BICRA: variants seen among roughly 807,000 people sequenced by gnomAD.
The protein encoded by BICRA is BRD4 interacting chromatin remodeling complex associated protein.
BICRA carries 31 observed loss-of-function variants against 96.9 expected under a neutral mutation model. The observed-to-expected ratio is 0.32, with a 90% CI of 0.24 to 0.43. The LOEUF (loss-of-function observed/expected upper bound fraction) is 0.43, where lower values mean the gene tolerates loss of function less well. Ranked by LOEUF, BICRA falls within the 20% of genes least tolerant of loss-of-function variation. The probability of loss-of-function intolerance (pLI) is 1.00; values close to 1 mark genes in which losing one functional copy is unlikely to be tolerated. For synonymous variants in BICRA, 1,350 were observed against 1,071.8 expected (o/e 1.26, Z -5.07); for missense variants, 2,283 against 2,190.3 (o/e 1.04, Z -0.84).
chr19:47,663,252 G>T (rs1455643598), intron 1 of BICRA: 1 of 152,228 alleles, frequency 6.6e-6, no homozygotes, highest in Non-Finnish European at 1.5e-5. Flanking sequence ...GCCGGGTGTG[G>T]TGGCACGTGC....
intron 7 of BICRA, among the ~76,000 whole-genome samples, chr19:47,693,613 C>G (rs1973274457): frequency 6.6e-6 from 1 of 152,236 alleles, no homozygotes; most frequent in South Asian, 2.1e-4. Context: ...GCTGGTGTCT[C>G]TTTGCCTTGA....
Position 47,681,248 on chromosome 19 carries a change from A to C in BICRA, c.2078A>C (p.Gln693Pro). The C allele has an allele frequency of 1.9e-6, 3 of 1,538,934 alleles. No homozygotes were observed. Among genetic ancestry groups the C allele is most frequent in the Non-Finnish European group, 2.6e-6 (3 of 1,148,196 alleles). ...GCCACCCCCACGGCCATCCTCACTCAGGACTCCCTGCAGATGTTCCTGCCC... is the reference window on the plus strand; with the variant it reads ...GCCACCCCCACGGCCATCCTCACTCCGGACTCCCTGCAGATGTTCCTGCCC... ...PSATPTAILT[Q>P]DSLQMFLPQE... The change falls in exon 6 of 15, where the codon CAG becomes CCG. Residue 693 changes from glutamine to proline, a missense_variant. Transcript: ENST00000594866.
At chr19:47,673,823 G>T in intron 4 of BICRA, 61 bp downstream of exon 4, 10 of 1,389,086 alleles carry the variant, frequency 7.2e-6, no homozygotes, top group Non-Finnish European at 1.0e-5. Context: ...TGGGAGTGAG[G>T]GACAGGGAGA....
chr19:47,616,156 G>A (rs967725408), intron 1 of BICRA: 1 of 152,396 alleles, frequency 6.6e-6, no homozygotes, highest in African/African-American at 2.4e-5. Context: ...GTGGGCATGA[G>A]AGGAAACCCA....
chr19:47,636,289 C>G (rs1384931142), intron 1 of BICRA, among the ~76,000 whole-genome samples: 2 of 152,182 alleles, frequency 1.3e-5, no homozygotes, highest in Non-Finnish European at 2.9e-5. Context: ...TCACTGCATC[C>G]TTGACCTCCT....
At chr19:47,629,820 G>T (rs939818000) in intron 1 of BICRA, among the ~76,000 whole-genome samples, 2 of 152,112 alleles carry the variant, frequency 1.3e-5, no homozygotes, top group Non-Finnish European at 2.9e-5. Context: ...ACCATACCCA[G>T]CTAATTTTTG....
chr19:47,635,053 C>T (rs1972280194), intron 1 of BICRA, among the ~76,000 whole-genome samples: 1 of 152,086 alleles, frequency 6.6e-6, no homozygotes. Context: ...TGAGCCACCG[C>T]TCCTGGCCAC....
In BICRA at chr19:47,679,980, G is replaced by A. The variant is rs1453039825; in HGVS notation, c.810G>A (p.Ser270=). Reference sequence around the variant, plus strand: ...ACCTGGCCTCGGCGGCTGGCCCCTCGGAGCCCGTGACGCTGGCGTCGGCCG... The same window carrying A: ...ACCTGGCCTCGGCGGCTGGCCCCTCAGAGCCCGTGACGCTGGCGTCGGCCG... ...SGYLASAAGP[S]EPVTLASAGV... is the part of the protein sequence containing the mutation. Residue 270 remains serine, a synonymous_variant, in exon 6 of 15, where the codon TCG becomes TCA. Transcript: ENST00000594866. The A allele has an allele frequency of 2.0e-5, 30 of 1,481,778 alleles. No individual in the cohort carries two copies. Among genetic ancestry groups the A allele is most frequent in the Admixed American group, 4.9e-5 (2 of 40,928 alleles). 91.8% of individuals were successfully genotyped at this position (1,481,778 alleles called of 1,614,324 possible). A position where few individuals can be genotyped will look rare whatever the true frequency, so the allele number is the denominator to read the frequency against.
chr19:47,658,105 T>C (rs1233411300), intron 1 of BICRA, among the ~76,000 whole-genome samples: 1 of 152,206 alleles, frequency 6.6e-6, no homozygotes, highest in Non-Finnish European at 1.5e-5. Flanking sequence ...TCTGCCTCTT[T>C]AGCCAAATGT....
rs1488520440 is a variant in BICRA, at chr19:47,680,905, G to A, written c.1735G>A (p.Ala579Thr). Residue 579 changes from alanine to threonine, a missense_variant, in exon 6 of 15, where the codon GCC (alanine) becomes ACC (threonine). Physicochemically the swap from Ala to Thr is moderately conservative, Grantham distance 58. Coordinates refer to ENST00000594866, the MANE Select transcript of BICRA (RefSeq NM_001394372.1). ...CCAGCCAGCGCCCGCCGGGCCGGCC[G>A]CCACCACTGTCCTCCAGGGGGTCAC... Reference protein sequence around the residue: ...QSQPAPAGPAATTVLQGVTLP... With the variant: ...QSQPAPAGPATTTVLQGVTLP... The A allele has an allele frequency of 4.0e-6, 6 of 1,484,374 alleles. No homozygotes were observed. The East Asian group carries it at 1.0e-4, about 26-fold the overall frequency. The allele number at this position is 1,484,374 out of a possible 1,614,324, so 92.0% of individuals were successfully genotyped here.
At position 47,698,057 on chromosome 19, in the gene BICRA, G is replaced by A. The variant is rs956567797; in HGVS notation, c.3249-577G>A. ...GTGCCCAGGCCTGAGCCCCATGTTG[G>A]GAACACAGGAGTAAGTGACACAAAG... On this transcript the variant is annotated intron_variant, in intron 11 of 14. Transcript: ENST00000594866. This position sits in a 1 kb window ranked among gnomAD's most constrained non-coding sequence, Gnocchi z 4.8. Among the ~76,000 whole-genome samples the A allele has an allele frequency of 2.6e-5, 4 of 152,154 alleles. No homozygotes were observed. The highest frequency in any genetic ancestry group is 5.9e-5 in the Non-Finnish European group (4 of 68,026).
At chr19:47,635,564 A>C (rs1193392819) in intron 1 of BICRA, among the ~76,000 whole-genome samples, 2 of 151,854 alleles carry the variant, frequency 1.3e-5, no homozygotes, top group East Asian at 1.9e-4. Flanking sequence ...TATTTCTAGG[A>C]TTTTTTTCAA....
In BICRA at chr19:47,698,713, G is replaced by A; in HGVS notation, c.3328G>A (p.Ala1110Thr). Residue 1110 changes from alanine to threonine, a missense_variant, in exon 12 of 15, where the codon GCC (alanine) becomes ACC (threonine). By Grantham distance (58) the Ala-to-Thr change is moderately conservative. Coordinates refer to ENST00000594866, the MANE Select transcript of BICRA (RefSeq NM_001394372.1). This position sits in a 1 kb window ranked among gnomAD's most constrained non-coding sequence, Gnocchi z 4.8. ...GACGGCCTTCCCCTCCTTTGAGGAC[G>A]CCCTGCATCGCCTCCTGCCCTACCA... ...YKTAFPSFED[A>T]LHRLLPYHVY... is the part of the protein sequence containing the mutation. 1 of 1,604,706 alleles carries A rather than the reference G, an allele frequency of 6.2e-7. No individual in the cohort carries two copies. Among genetic ancestry groups the A allele is most frequent in the Non-Finnish European group, 8.5e-7 (1 of 1,171,694 alleles).
chr19:47,673,877 A>G (rs1180248408), intron 4 of BICRA, 115 bp downstream of exon 4: 4 of 914,308 alleles, frequency 4.4e-6, no homozygotes, highest in East Asian at 2.4e-5. Context: ...TGTGGCTTCT[A>G]ACGCCAGGCA....
intron 1 of BICRA, among the ~76,000 whole-genome samples, chr19:47,648,808 C>T (rs1369140385): frequency 6.6e-6 from 1 of 151,656 alleles, no homozygotes; most frequent in Non-Finnish European, 1.5e-5. Flanking sequence ...TCCCTCAGCC[C>T]CCTGAGTAGC....
chr19:47,666,293 TC>T (rs1972778080), intron 1 of BICRA, among the ~76,000 whole-genome samples: 1 of 82,964 alleles, frequency 1.2e-5, no homozygotes, highest in Non-Finnish European at 2.3e-5. Context: ...TTTTTCTTTT[TC>T]TTCTTTTTTT....
intron 2 of BICRA, among the ~76,000 whole-genome samples, chr19:47,670,799 C>T (rs908102509): frequency 1.3e-5 from 2 of 152,196 alleles, no homozygotes; most frequent in Non-Finnish European, 2.9e-5. Context: ...CTTTGCAGAC[C>T]ATGCCTTTGC....
chr19:47,635,725 T>C (rs1972291843), intron 1 of BICRA, among the ~76,000 whole-genome samples: 2 of 152,204 alleles, frequency 1.3e-5, no homozygotes, highest in Admixed American at 1.3e-4. Flanking sequence ...TTGTGTCTGG[T>C]TTATTTTATT....
chr19:47,615,207 A>T lies in BICRA; in HGVS notation c.-108+6039A>T, dbSNP rs151199554. On this transcript the variant is annotated intron_variant, in intron 1 of 14. Coordinates refer to ENST00000594866, the MANE Select transcript of BICRA (RefSeq NM_001394372.1). The stretch of plus-strand genomic sequence containing the variant: ...CTGTGTTGCCCAGGCTGGTCTTGAA[A>T]TCCTGTTCAAGCACTCCTCCCGCCT... Among the ~76,000 whole-genome samples, 1,073 of 152,180 alleles carry T rather than the reference A, an allele frequency of 7.1e-3. 21 individuals are homozygous for T. The highest frequency in any genetic ancestry group is 0.024 in the African/African-American group (1,001 of 41,522).
Sources: allele counts gnomAD v4.1 joint callset (sites outside exome capture counted in the v4.1 genomes callset), GRCh38; gene constraint gnomAD v4.1.1; non-coding constraint Gnocchi (gnomAD v3.1); transcripts MANE v1.5; gene names NCBI Gene and HGNC (gene_info 2026-07-23, HGNC 2026-07-21).